CAST: variants seen among roughly 807,000 people sequenced by gnomAD.
CAST encodes the protein MIR583 host.
In CAST, 76 loss-of-function variants were observed where a neutral mutation model predicts 119.6. The observed-to-expected ratio is 0.64, with a 90% CI of 0.53 to 0.77. The LOEUF is 0.77. Among genes scored for constraint, CAST ranks in the 30% least tolerant of loss-of-function variants. CAST has a pLI of 0.00. For missense variants in CAST, 953 were observed against 946.5 expected (o/e 1.01, Z -0.09); for synonymous variants, 319 against 331.6 (o/e 0.96, Z 0.41).
At chr5:96,205,765 C>T in the CAST span, among the ~76,000 whole-genome samples, 2 of 151,996 alleles carry the variant, frequency 1.3e-5, no homozygotes, top group Non-Finnish European at 2.9e-5. Flanking sequence ...CTGAATAGTA[C>T]TTTGACAAAC....
the CAST span, among the ~76,000 whole-genome samples, chr5:96,375,957 A>ATG: frequency 6.7e-5 from 10 of 148,358 alleles, no homozygotes; most frequent in Non-Finnish European, 1.3e-4. Context: ...ATATATATAT[A>ATG]TCTCCTATTA....
the CAST span, among the ~76,000 whole-genome samples, chr5:96,134,269 A>G: frequency 1.3e-5 from 2 of 152,336 alleles, no homozygotes; most frequent in South Asian, 2.1e-4. Flanking sequence ...ACCCACAAGA[A>G]TATGCCTTTC....
At chr5:96,282,353 G>A in the CAST span, among the ~76,000 whole-genome samples, 8 of 152,208 alleles carry the variant, frequency 5.3e-5, no homozygotes, top group South Asian at 1.2e-3. Flanking sequence ...ATCTACTTCC[G>A]CTATCATTTC....
the CAST span, chr5:96,391,622 A>G: frequency 6.6e-6 from 1 of 152,170 alleles, no homozygotes; most frequent in East Asian, 1.9e-4. Context: ...AGTGGGCAAA[A>G]TCAAATGCCT....
chr5:96,102,944 A>T, the CAST span, among the ~76,000 whole-genome samples: 1 of 152,146 alleles, frequency 6.6e-6, no homozygotes, highest in South Asian at 2.1e-4. Flanking sequence ...GAAAATAACT[A>T]TGGGACAAGA....
chr5:96,436,476 C>A, the CAST span, among the ~76,000 whole-genome samples: 1 of 152,094 alleles, frequency 6.6e-6, no homozygotes, highest in Admixed American at 6.6e-5. Flanking sequence ...AAGTTTTATG[C>A]TTAAAAAGGC....
the CAST span, among the ~76,000 whole-genome samples, chr5:96,364,474 G>C: frequency 1.3e-5 from 2 of 152,134 alleles, no homozygotes; most frequent in African/African-American, 4.8e-5. Flanking sequence ...TGGTTGGTAG[G>C]CTATTAATTA....
chr5:96,246,187 C>CTCTTTTTTTTTTTT, the CAST span, among the ~76,000 whole-genome samples: 1 of 76,386 alleles, frequency 1.3e-5, no homozygotes, highest in Non-Finnish European at 2.4e-5. Context: ...GTCTGTCTTC[C>CTCTTTTTTTTTTTT]TTTTTTTTTT....
At chr5:96,362,323 A>G in the CAST span, among the ~76,000 whole-genome samples, 2 of 152,200 alleles carry the variant, frequency 1.3e-5, no homozygotes, top group Non-Finnish European at 2.9e-5. Context: ...TAGCAGCATG[A>G]TTTATAATCC....
chr5:96,251,383 T>C, the CAST span, among the ~76,000 whole-genome samples: 5 of 152,332 alleles, frequency 3.3e-5, no homozygotes, highest in Non-Finnish European at 7.4e-5. Flanking sequence ...AAGTGTAGTA[T>C]AGAGTCTCGC....
the CAST span, among the ~76,000 whole-genome samples, chr5:96,388,730 C>T: frequency 6.6e-6 from 1 of 152,056 alleles, no homozygotes; most frequent in Admixed American, 6.5e-5. Flanking sequence ...AATCTGTATC[C>T]TTTGTACACG....
At chr5:96,491,349 G>A in the CAST span, among the ~76,000 whole-genome samples, 1 of 150,822 alleles carries the variant, frequency 6.6e-6, no homozygotes, top group African/African-American at 2.4e-5. Context: ...AACTTAGCCG[G>A]GTGTGGTGGC....
At chr5:96,403,598 G>A in the CAST span, among the ~76,000 whole-genome samples, 1 of 152,218 alleles carries the variant, frequency 6.6e-6, no homozygotes, top group Non-Finnish European at 1.5e-5. Flanking sequence ...ACTGCATTGA[G>A]TGGCTAATCA....
chr5:96,026,422 A>G, the CAST span, among the ~76,000 whole-genome samples: 4 of 152,348 alleles, frequency 2.6e-5, no homozygotes, highest in Admixed American at 6.5e-5. Flanking sequence ...AGAGTCCCCA[A>G]ATCAAAAATA....
the CAST span, among the ~76,000 whole-genome samples, chr5:96,251,115 G>C: frequency 2.0e-5 from 3 of 152,096 alleles, no homozygotes; most frequent in Admixed American, 1.3e-4. Flanking sequence ...ATTTACCAAG[G>C]GTCCTTACCT....
At chr5:96,022,619 G>A in the CAST span, among the ~76,000 whole-genome samples, 1 of 152,130 alleles carries the variant, frequency 6.6e-6, no homozygotes, top group Non-Finnish European at 1.5e-5. Flanking sequence ...AATCCAATGA[G>A]GAAGAAGCAA....
intron 1 of CAST, among the ~76,000 whole-genome samples, chr5:96,543,093 T>C (rs1206652972): frequency 2.6e-5 from 4 of 152,222 alleles, no homozygotes; most frequent in Non-Finnish European, 5.9e-5. Flanking sequence ...CATATGTTTA[T>C]TGCAGCTCTT....
chr5:96,684,616 G>C (rs1288495285), intron 2 of CAST, among the ~76,000 whole-genome samples: 2 of 150,798 alleles, frequency 1.3e-5, no homozygotes, highest in South Asian at 4.2e-4. Context: ...AGGCTGGAGT[G>C]CAGTGGTGCA....
intron 2 of CAST, among the ~76,000 whole-genome samples, chr5:96,688,491 T>C (rs1253406450): frequency 6.6e-6 from 1 of 152,168 alleles, no homozygotes; most frequent in African/African-American, 2.4e-5. Context: ...GAAACACCTG[T>C]ATGGAAGTTA....
Sources: gnomAD v4.1 joint callset for allele counts (sites outside exome capture counted in the v4.1 genomes callset) on GRCh38, gnomAD v4.1.1 for gene constraint, MANE v1.5 for transcripts, NCBI Gene and HGNC (gene_info 2026-07-23, HGNC 2026-07-21) for gene names.